ASAP2: variants seen among roughly 807,000 people sequenced by gnomAD.
The protein encoded by ASAP2 is arf-GAP with SH3 domain, ANK repeat and PH domain-containing protein 2.
Under a neutral mutation model 131.4 loss-of-function variants are expected in ASAP2, and 45 were observed. That is an observed-to-expected ratio of 0.34 (90% CI 0.27 to 0.44). ASAP2 has a LOEUF of 0.44. Ranked by LOEUF, ASAP2 falls within the 20% of genes least tolerant of loss-of-function variation. ASAP2 has a pLI of 1.00. For synonymous variants in ASAP2, 510 were observed against 503.0 expected (o/e 1.01, Z -0.19); for missense variants, 1,011 against 1,297.0 (o/e 0.78, Z 3.39).
intron 1 of ASAP2, among the ~76,000 whole-genome samples, chr2:9,220,340 C>A (rs894363787): frequency 2.0e-4 from 30 of 152,174 alleles, no homozygotes; most frequent in Admixed American, 2.0e-3. Flanking sequence ...GACATTCTTA[C>A]CAGCCATGTG....
intron 15 of ASAP2, among the ~76,000 whole-genome samples, chr2:9,365,845 A>T (rs747093974): frequency 1.3e-4 from 20 of 152,200 alleles, no homozygotes; most frequent in Non-Finnish European, 2.1e-4. Context: ...CCCAGCACAG[A>T]CGAGGGGCTC....
At chr2:9,331,126 T>G (rs996151099) in intron 7 of ASAP2, among the ~76,000 whole-genome samples, 10 of 152,352 alleles carry the variant, frequency 6.6e-5, no homozygotes, top group African/African-American at 2.4e-4. Flanking sequence ...CAGCTTTGCC[T>G]GCTGGGTGCT....
chr2:9,286,316 T>G (rs929713740), intron 2 of ASAP2, among the ~76,000 whole-genome samples: 30 of 151,932 alleles, frequency 2.0e-4, no homozygotes, highest in Admixed American at 5.3e-4. Context: ...GAAGATTACA[T>G]GAACCTGGGA....
At chr2:9,360,242 G>A (rs1317770852) in intron 15 of ASAP2, among the ~76,000 whole-genome samples, 1 of 152,168 alleles carries the variant, frequency 6.6e-6, no homozygotes, top group East Asian at 1.9e-4. Flanking sequence ...GTATTTTGCA[G>A]GCCACTTTAT....
intron 12 of ASAP2, among the ~76,000 whole-genome samples, chr2:9,353,537 A>T (rs1672487361): frequency 6.8e-6 from 1 of 147,898 alleles, no homozygotes; most frequent in Non-Finnish European, 1.5e-5. Flanking sequence ...AGCTTGGACA[A>T]CACAGCAAGA....
chr2:9,392,102 G>A lies in ASAP2; in HGVS notation c.2518+906G>A, dbSNP rs1442045280. On this transcript the variant is annotated intron_variant, in intron 23 of 27. Transcript: ENST00000281419. The surrounding 1 kb of genome is among the most constrained non-coding windows in gnomAD (Gnocchi z 4.0). ...ATTCCTGGGCTCAAGTGATCCACCC[G>A]CCTTGTCCTCCCAAAGTGCTGGGAT... Among the ~76,000 whole-genome samples, 6 of 152,132 alleles carry A rather than the reference G, an allele frequency of 3.9e-5. No individual in the cohort carries two copies. Among genetic ancestry groups the A allele is most frequent in the Admixed American group, 6.5e-5 (1 of 15,276 alleles).
At chr2:9,295,867 G>A (rs745848185) in intron 2 of ASAP2, among the ~76,000 whole-genome samples, 2 of 152,228 alleles carry the variant, frequency 1.3e-5, no homozygotes, top group Admixed American at 6.5e-5. Flanking sequence ...AAGACATGGT[G>A]CTTCCCCCAT....
chr2:9,370,866 ACGT>A (rs1425978284), intron 16 of ASAP2, among the ~76,000 whole-genome samples: 1 of 152,180 alleles, frequency 6.6e-6, no homozygotes, highest in Non-Finnish European at 1.5e-5. Context: ...GGTGAAGGAA[ACGT>A]CGTGAATCCA....
Position 9,388,494 on chromosome 2 carries a change from A to C in ASAP2, c.2331A>C (p.Ala777=), listed in dbSNP as rs2148782341. ...LSGSPPPAQP[A]APSTTSAPPL... is the part of the protein sequence containing the mutation. The stretch of plus-strand genomic sequence containing the variant: ...GCAGCCCACCTCCCGCCCAGCCTGC[A>C]GCCCCCAGCACCACCAGCGCCCCCC... Residue 777 remains alanine, a synonymous_variant, in exon 22 of 28, where the codon GCA becomes GCC. Transcript: ENST00000281419. The C allele has an allele frequency of 6.2e-7, 1 of 1,612,674 alleles. No individual in the cohort carries two copies. Among genetic ancestry groups the C allele is most frequent in the Non-Finnish European group, 8.5e-7 (1 of 1,179,302 alleles).
rs182030280 is a variant in ASAP2, at chr2:9,383,233, A to G, written c.2017-2012A>G. 4.7e-3 allele frequency among the ~76,000 whole-genome samples: 717 copies of G among 152,132 alleles called. 7 individuals carry two copies. Among genetic ancestry groups the G allele is most frequent in the African/African-American group, 0.017 (688 of 41,500 alleles). On this transcript the variant is annotated intron_variant, in intron 20 of 27. Coordinates refer to ENST00000281419, the MANE Select transcript of ASAP2 (RefSeq NM_003887.3). ...TGTTATCTATAGGATCAATTGGGGA[A>G]GTCACAAGTATCGTGGCCTCTGGTG...
At chr2:9,301,396 C>T (rs186922098) in intron 3 of ASAP2, among the ~76,000 whole-genome samples, 4 of 152,292 alleles carry the variant, frequency 2.6e-5, no homozygotes, top group South Asian at 2.1e-4. Context: ...GAAAACCAGA[C>T]GGCTCCAGAA....
intron 24 of ASAP2, among the ~76,000 whole-genome samples, chr2:9,395,579 TCTTGTGTTTTTTTTC>T (rs1676056835): frequency 6.7e-6 from 1 of 149,048 alleles, no homozygotes; most frequent in East Asian, 1.9e-4. Context: ...GTTTTGTTTT[TCTTGTGTTTTTTTTC>T]TTTTTTTTTT....
intron 3 of ASAP2, 72 bp downstream of exon 3, chr2:9,297,517 G>A: frequency 1.3e-6 from 2 of 1,555,398 alleles, no homozygotes; most frequent in Non-Finnish European, 1.8e-6. Context: ...GATAGTTATG[G>A]TTTGTTTGAT....
At chr2:9,334,423 G>A (rs928589536) in intron 7 of ASAP2, among the ~76,000 whole-genome samples, 2 of 152,124 alleles carry the variant, frequency 1.3e-5, no homozygotes, top group East Asian at 3.9e-4. Context: ...TCTTCCACTT[G>A]CGCCCCATGG....
At chr2:9,260,399 C>A (rs560127113) in intron 1 of ASAP2, among the ~76,000 whole-genome samples, 34 of 149,106 alleles carry the variant, frequency 2.3e-4, no homozygotes, top group Admixed American at 2.2e-3. Context: ...TCTCCCATCA[C>A]CTCACTGCTT....
chr2:9,263,098 G>A (rs1054106264), intron 1 of ASAP2, among the ~76,000 whole-genome samples: 3 of 152,088 alleles, frequency 2.0e-5, no homozygotes, highest in Non-Finnish European at 4.4e-5. Context: ...CACGGCTGGA[G>A]GGCCTGGCCC....
At chr2:9,301,260 A>G (rs558769251) in intron 3 of ASAP2, among the ~76,000 whole-genome samples, 1 of 152,340 alleles carries the variant, frequency 6.6e-6, no homozygotes, top group African/African-American at 2.4e-5. Context: ...AAGAATGTTT[A>G]TAAAGCAGTT....
At position 9,350,930 on chromosome 2, in the gene ASAP2, C is replaced by T. The variant is rs146776570; in HGVS notation, c.1111+35C>T. On this transcript the variant is annotated intron_variant, in intron 12 of 27. Coordinates refer to ENST00000281419, the MANE Select transcript of ASAP2 (RefSeq NM_003887.3). ...CCTCTGAGATGCCGCGCCATAGAGACGTTGTCTTATGCTCTCCTCTGGGGC... is the reference window on the plus strand; with the variant it reads ...CCTCTGAGATGCCGCGCCATAGAGATGTTGTCTTATGCTCTCCTCTGGGGC... The T allele has an allele frequency of 7.8e-3, 11,879 of 1,526,354 alleles. 93 individuals are homozygous for T. The highest frequency in any genetic ancestry group is 0.022 in the Admixed American group (1,221 of 56,774). The allele number at this position is 1,526,354 out of a possible 1,614,324, so 94.6% of individuals were successfully genotyped here.
rs1015756527 is a variant in ASAP2 at position 9,403,742 on chromosome 2, C to T, written c.*415C>T. ...TTAGGCGGCCAGTGAACTGCTGCTT[C>T]AGAAGTCCATAGCCCAGCTCTGAAC... On this transcript the variant is annotated 3_prime_UTR_variant, in exon 28 of 28. Transcript: ENST00000281419. 5 of 168,498 alleles carry T rather than the reference C, an allele frequency of 3.0e-5. No homozygotes were observed. The highest frequency in any genetic ancestry group is 9.6e-5 in the African/African-American group (4 of 41,786). 10.4% of individuals were successfully genotyped at this position (168,498 alleles called of 1,614,324 possible).
Sources: allele counts gnomAD v4.1 joint callset (sites outside exome capture counted in the v4.1 genomes callset), GRCh38; gene constraint gnomAD v4.1.1; non-coding constraint Gnocchi (gnomAD v3.1); transcripts MANE v1.5; gene names NCBI Gene and HGNC (gene_info 2026-07-23, HGNC 2026-07-21).